The following HS2ST1 variants were observed in gnomAD, a reference collection of about 807,000 sequenced individuals.
The protein encoded by HS2ST1 is 2-O-sulfotransferase.
HS2ST1 carries 18 observed loss-of-function variants against 42.9 expected under a neutral mutation model. That is an observed-to-expected ratio of 0.42 (90% CI 0.29 to 0.62). The LOEUF (loss-of-function observed/expected upper bound fraction) is 0.62. HS2ST1 is among the 20% of genes least tolerant of loss of function. The pLI, the probability that HS2ST1 is intolerant of heterozygous loss-of-function variation, is 0.21. For synonymous variants in HS2ST1, 146 were observed against 152.9 expected, an observed-to-expected ratio of 0.95 and a Z score of 0.33; for missense variants, 334 against 433.8, an observed-to-expected ratio of 0.77 and a Z score of 2.04.
In HS2ST1 at chr1:87,084,330, C is replaced by T. The variant is rs763054307; in HGVS notation, c.449+51C>T. On this transcript the variant is annotated intron_variant, in intron 3 of 6. Transcript: ENST00000370550. ...AAAGAATGCTTTGTACTCTAGTAAC[C>T]TAAAAAGGAATAAATTCATTAAATT... 24 of 959,042 alleles carry T rather than the reference C, an allele frequency of 2.5e-5. No homozygotes were observed. The Admixed American group carries it at 2.9e-4, about 12-fold the overall frequency. The allele number at this position is 959,042 out of a possible 1,614,324, so 59.4% of individuals were successfully genotyped here.
chr1:86,974,529 A>G (rs1003892128), intron 1 of HS2ST1, among the ~76,000 whole-genome samples: 2 of 152,218 alleles, frequency 1.3e-5, no homozygotes, highest in East Asian at 3.8e-4. Context: ...GGAGGATGTC[A>G]TGGAAACCTC....
chr1:87,002,795 C>A (rs1329751164), intron 1 of HS2ST1, among the ~76,000 whole-genome samples: 1 of 152,018 alleles, frequency 6.6e-6, no homozygotes, highest in African/African-American at 2.4e-5. Flanking sequence ...CCCTGAAAAT[C>A]CTTGACTCCT....
intron 1 of HS2ST1, among the ~76,000 whole-genome samples, chr1:87,057,634 G>A (rs1431197050): frequency 1.3e-5 from 2 of 150,452 alleles, no homozygotes; most frequent in East Asian, 2.0e-4. Context: ...GGTGGATCAC[G>A]AGGTCAGGAG....
intron 1 of HS2ST1, among the ~76,000 whole-genome samples, chr1:86,938,408 CT>C (rs1158174014): frequency 6.6e-6 from 1 of 152,050 alleles, no homozygotes; most frequent in Non-Finnish European, 1.5e-5. Context: ...AATGTCAGTA[CT>C]TTCAATTAAG....
chr1:87,046,516 T>C, intron 1 of HS2ST1: 1 of 1,485,966 alleles, frequency 6.7e-7, no homozygotes, highest in Non-Finnish European at 9.4e-7. Flanking sequence ...TTAAACTTTT[T>C]ACCAAGCTTT....
intron 1 of HS2ST1, among the ~76,000 whole-genome samples, chr1:87,039,042 C>T (rs538154948): frequency 4.5e-4 from 69 of 152,170 alleles, no homozygotes; most frequent in African/African-American, 1.6e-3. Flanking sequence ...AGCCAAATGA[C>T]AACTTTGGCT....
At chr1:86,937,672 AAC>A (rs1440251193) in intron 1 of HS2ST1, among the ~76,000 whole-genome samples, 1 of 152,080 alleles carries the variant, frequency 6.6e-6, no homozygotes, top group African/African-American at 2.4e-5. Context: ...TGCAGTCTTT[AAC>A]AGTTTTCTTA....
chr1:87,027,944 C>T (rs1394734354), intron 1 of HS2ST1, among the ~76,000 whole-genome samples: 1 of 152,228 alleles, frequency 6.6e-6, no homozygotes, highest in African/African-American at 2.4e-5. Context: ...CCCGCCTCGG[C>T]CTCCCGAAGT....
At chr1:87,051,555 TAAAG>T (rs975945823) in intron 1 of HS2ST1, among the ~76,000 whole-genome samples, 31 of 152,316 alleles carry the variant, frequency 2.0e-4, no homozygotes, top group Admixed American at 1.8e-3. Context: ...GTCTGCAAAA[TAAAG>T]AATATTCTAC....
Position 87,106,228 on chromosome 1 carries a change from C to G in HS2ST1, c.*1532C>G, listed in dbSNP as rs1438645831. On this transcript the variant is annotated 3_prime_UTR_variant, in exon 7 of 7. Transcript: ENST00000370550. Reference sequence around the variant, plus strand: ...TAAATTTGTGTTTGATAAATATCCTCTCAGTGTTTTATCTTCCATGTTTCA... The same window carrying G: ...TAAATTTGTGTTTGATAAATATCCTGTCAGTGTTTTATCTTCCATGTTTCA... The G allele has an allele frequency of 2.0e-5, 3 of 152,476 alleles. No homozygotes were observed. The highest frequency in any genetic ancestry group is 4.1e-4 in the South Asian group (2 of 4,830). 9.4% of individuals were successfully genotyped at this position (152,476 alleles called of 1,614,324 possible).
intron 1 of HS2ST1, chr1:86,932,423 ATG>A (rs1660563820): frequency 1.3e-5 from 2 of 152,160 alleles, no homozygotes; most frequent in Admixed American, 6.5e-5. Context: ...CATATAATTC[ATG>A]TAATATACCC....
rs1224206412 is a variant in HS2ST1 at position 87,105,349 on chromosome 1, AT to A, written c.*655del. ...ATAAAGCATCAAAGCAGTATTTCTC[AT>A]TCCTGCCTCCTCAATATCTAATACT... On this transcript the variant is annotated 3_prime_UTR_variant, in exon 7 of 7. Transcript: ENST00000370550. 6.6e-6 allele frequency: 1 copy of A among 152,594 alleles called. No individual in the cohort carries two copies. Among genetic ancestry groups the A allele is most frequent in the Non-Finnish European group, 1.5e-5 (1 of 67,978 alleles). 9.5% of individuals were successfully genotyped at this position (152,594 alleles called of 1,614,324 possible). A position where few individuals can be genotyped will look rare whatever the true frequency, so the allele number is the denominator to read the frequency against.
chr1:86,973,301 CAAGTTTAGATCAGTTTCCTTAAATTCA>C (rs1472297178), intron 1 of HS2ST1, among the ~76,000 whole-genome samples: 2 of 148,334 alleles, frequency 1.3e-5, no homozygotes, highest in Non-Finnish European at 3.0e-5. Flanking sequence ...TTTTTTGGAT[CAAGTTTAGATCAGTTTCCTTAAATTCA>C]TTTTATCATT....
At chr1:86,971,902 G>T (rs1043424175) in intron 1 of HS2ST1, among the ~76,000 whole-genome samples, 1 of 151,942 alleles carries the variant, frequency 6.6e-6, no homozygotes, top group Non-Finnish European at 1.5e-5. Flanking sequence ...AGAATTACTG[G>T]CTTTGTGTTT....
At chr1:86,979,923 ATTTG>A (rs1448863013) in intron 1 of HS2ST1, among the ~76,000 whole-genome samples, 1 of 152,058 alleles carries the variant, frequency 6.6e-6, no homozygotes, top group African/African-American at 2.4e-5. Context: ...GTATATTCTT[ATTTG>A]TTTTTACTTC....
chr1:87,009,180 A>T (rs1649522307), intron 1 of HS2ST1, among the ~76,000 whole-genome samples: 1 of 152,220 alleles, frequency 6.6e-6, no homozygotes, highest in South Asian at 2.1e-4. Flanking sequence ...AATATTGCGA[A>T]TTCCTAGCTT....
chr1:87,065,867 ATTAC>A (rs1173874182), intron 1 of HS2ST1, among the ~76,000 whole-genome samples: 2 of 152,136 alleles, frequency 1.3e-5, no homozygotes, highest in African/African-American at 2.4e-5. Context: ...CTTTGGATTT[ATTAC>A]TTATCTAGTT....
chr1:86,988,651 A>C (rs964963435), intron 1 of HS2ST1, among the ~76,000 whole-genome samples: 1 of 152,224 alleles, frequency 6.6e-6, no homozygotes, highest in African/African-American at 2.4e-5. Context: ...GAATTCTAAA[A>C]AGAGCTAAGA....
At chr1:87,024,006 A>G (rs1481687594) in intron 1 of HS2ST1, among the ~76,000 whole-genome samples, 2 of 152,236 alleles carry the variant, frequency 1.3e-5, no homozygotes, top group Non-Finnish European at 2.9e-5. Flanking sequence ...GTGTTTCTCC[A>G]AAGGACAAAA....
Sources: gnomAD v4.1 joint callset for allele counts (sites outside exome capture counted in the v4.1 genomes callset) on GRCh38, gnomAD v4.1.1 for gene constraint, MANE v1.5 for transcripts, NCBI Gene and HGNC (gene_info 2026-07-23, HGNC 2026-07-21) for gene names.